The following ARHGEF38 variants were observed in gnomAD, a reference collection of about 807,000 sequenced individuals.
ARHGEF38 encodes Rho guanine nucleotide exchange factor 38.
A neutral mutation model predicts 79.9 loss-of-function variants in ARHGEF38; 79 were observed. That is an observed-to-expected ratio of 0.99 (90% CI 0.82 to 1.19). The LOEUF (loss-of-function observed/expected upper bound fraction) is 1.19. Among genes scored for constraint, ARHGEF38 ranks in the 50% most tolerant of loss-of-function variants. ARHGEF38 has a pLI of 0.00. For synonymous variants in ARHGEF38, 366 were observed against 328.3 expected, an observed-to-expected ratio of 1.11 and a Z score of -1.24; for missense variants, 962 against 907.2, an observed-to-expected ratio of 1.06 and a Z score of -0.78.
chr4:105,590,443 C>A (rs999938382), intron 2 of ARHGEF38, among the ~76,000 whole-genome samples: 2 of 152,220 alleles, frequency 1.3e-5, no homozygotes, highest in Non-Finnish European at 2.9e-5. Flanking sequence ...CATATCCCCT[C>A]AGACATCTAT....
At chr4:105,665,136 T>C (rs575546386) in intron 10 of ARHGEF38, among the ~76,000 whole-genome samples, 2 of 152,126 alleles carry the variant, frequency 1.3e-5, no homozygotes, top group South Asian at 2.1e-4. Context: ...TAGCTGGGAT[T>C]ACAGGCACAC....
chr4:105,591,519 A>G (rs774497391), intron 2 of ARHGEF38, among the ~76,000 whole-genome samples: 4 of 152,154 alleles, frequency 2.6e-5, no homozygotes, highest in South Asian at 2.1e-4. Flanking sequence ...GTGAGCCACC[A>G]TGCCCGGCCT....
intron 3 of ARHGEF38, among the ~76,000 whole-genome samples, chr4:105,628,933 A>G (rs1409649471): frequency 2.0e-5 from 3 of 152,214 alleles, no homozygotes; most frequent in African/African-American, 4.8e-5. Flanking sequence ...TTCTTGAGCA[A>G]CTAGTCAGTG....
intron 1 of ARHGEF38, chr4:105,561,479 A>AGAATGGAATAGAATAGAATAGAATG (rs1560684620): frequency 1.9e-5 from 1 of 53,350 alleles, no homozygotes; most frequent in Non-Finnish European, 4.1e-5. Flanking sequence ...AGAATAGAAT[A>AGAATGGAATAGAATAGAATAGAATG]GAATAGAATA....
Position 105,645,183 on chromosome 4 carries a change from T to C in ARHGEF38, c.675-5T>C. 1 of 1,491,716 alleles carries C rather than the reference T, an allele frequency of 6.7e-7. No individual in the cohort carries two copies. Among genetic ancestry groups the C allele is most frequent in the Non-Finnish European group, 8.9e-7 (1 of 1,125,652 alleles). The allele number at this position is 1,491,716 out of a possible 1,614,324, so 92.4% of individuals were successfully genotyped here. ...TGAAACTGATATTATTTATCTGTAT[T>C]GTAGAGGCAAACCAAACTTATTGGA... On this transcript the variant is annotated splice_polypyrimidine_tract_variant and splice_region_variant and intron_variant, in intron 5 of 13. Transcript: ENST00000420470.
chr4:105,598,228 A>G (rs1388281575), intron 2 of ARHGEF38, among the ~76,000 whole-genome samples: 3 of 152,176 alleles, frequency 2.0e-5, no homozygotes, highest in Non-Finnish European at 4.4e-5. Flanking sequence ...TCCATCTCCT[A>G]TTCGATCCAG....
At chr4:105,640,390 T>C (rs1181249016) in intron 5 of ARHGEF38, among the ~76,000 whole-genome samples, 1 of 152,184 alleles carries the variant, frequency 6.6e-6, no homozygotes, top group Non-Finnish European at 1.5e-5. Flanking sequence ...ATTTACTTAG[T>C]TTTCTTTGTA....
intron 3 of ARHGEF38, among the ~76,000 whole-genome samples, chr4:105,616,444 A>C (rs188806525): frequency 6.6e-6 from 1 of 152,098 alleles, no homozygotes; most frequent in Admixed American, 6.6e-5. Context: ...CCTTCTCCAC[A>C]CTGTGGCAGG....
At chr4:105,607,970 A>T (rs993834669) in intron 2 of ARHGEF38, among the ~76,000 whole-genome samples, 10 of 151,728 alleles carry the variant, frequency 6.6e-5, no homozygotes, top group Non-Finnish European at 1.0e-4. Flanking sequence ...CTTCTATTTA[A>T]AAAAAAATGC....
At chr4:105,668,787 C>T (rs1222110562) in intron 13 of ARHGEF38, among the ~76,000 whole-genome samples, 1 of 152,050 alleles carries the variant, frequency 6.6e-6, no homozygotes, top group Non-Finnish European at 1.5e-5. Flanking sequence ...GTGGCTCATG[C>T]CTGTAATCCC....
At chr4:105,652,133 G>T (rs940696509) in intron 7 of ARHGEF38, among the ~76,000 whole-genome samples, 2 of 152,174 alleles carry the variant, frequency 1.3e-5, no homozygotes, top group African/African-American at 2.4e-5. Flanking sequence ...AAATAGAGGT[G>T]TGGATTCTAT....
At chr4:105,594,097 A>G (rs888483364) in intron 2 of ARHGEF38, among the ~76,000 whole-genome samples, 4 of 152,140 alleles carry the variant, frequency 2.6e-5, no homozygotes, top group African/African-American at 9.7e-5. Flanking sequence ...TCTCTCCACT[A>G]AGGTAATAGC....
At chr4:105,589,216 A>G in intron 1 of ARHGEF38, 32 bp from the exon 2 acceptor site, 1 of 1,559,912 alleles carries the variant, frequency 6.4e-7, no homozygotes, top group Non-Finnish European at 8.7e-7. Flanking sequence ...CCTCAGCAGA[A>G]TGCCTCACCT....
intron 7 of ARHGEF38, among the ~76,000 whole-genome samples, chr4:105,650,882 AC>A (rs1304189103): frequency 2.6e-5 from 4 of 152,204 alleles, no homozygotes; most frequent in African/African-American, 9.7e-5. Context: ...TATGGGATAT[AC>A]TCACATATCT....
chr4:105,552,906 T>A lies in ARHGEF38; in HGVS notation c.141T>A (p.Ser47=), dbSNP rs748432652. Residue 47 remains serine (S), a synonymous_variant, in exon 1 of 14, where the codon TCT becomes TCA. Transcript: ENST00000420470. ...VVESSVSGDH[S]GTLRRSQSDR... ...AGAGCAGTGTTTCTGGGGACCACTC[T>A]GGCACCTTGAGGAGGAGCCAATCTG... 5.0e-6 allele frequency: 8 copies of A among 1,613,884 alleles called. No individual in the cohort carries two copies. In the South Asian group the frequency reaches 8.8e-5, roughly 18 times the overall value.
At position 105,659,086 on chromosome 4, in the gene ARHGEF38, C is replaced by T. The variant is rs752978902; in HGVS notation, c.1266C>T (p.Pro422=). The change falls in exon 10 of 14, where the codon CCC becomes CCT. Residue 422 remains proline (P), a synonymous_variant. Coordinates refer to ENST00000420470, the MANE Select transcript of ARHGEF38 (RefSeq NM_001242729.2). ...ACTTACAGAGACTCATCCTGACCCCCTTGTCAGCCCTGCTGTCCTTATTCC... is the reference window on the plus strand; with the variant it reads ...ACTTACAGAGACTCATCCTGACCCCTTTGTCAGCCCTGCTGTCCTTATTCC... ...ASHLQRLILT[P]LSALLSLFPG... 3.9e-6 allele frequency: 6 copies of T among 1,536,076 alleles called. No homozygotes were observed. Among genetic ancestry groups the T allele is most frequent in the South Asian group, 3.6e-5 (3 of 84,044 alleles).
rs1406654248 is a variant in ARHGEF38 at position 105,666,278 on chromosome 4, G to C, written c.1647G>C (p.Glu549Asp). ...CVKENSATFIERKLSFEKKKP... is the reference protein window; with the variant it reads ...CVKENSATFIDRKLSFEKKKP... ...AAGAAAACAGTGCCACCTTTATTGA[G>C]AGGAAACTCAGTTTTGAAAAGAAGA... Residue 549 changes from glutamate to aspartate, a missense_variant, in exon 11 of 14, where the codon GAG becomes GAC. Physicochemically the swap from Glu to Asp is conservative, Grantham distance 45. Transcript: ENST00000420470. 1.3e-6 allele frequency: 2 copies of C among 1,534,082 alleles called. No individual in the cohort carries two copies. Among genetic ancestry groups the C allele is most frequent in the Non-Finnish European group, 1.7e-6 (2 of 1,145,960 alleles).
In ARHGEF38 at chr4:105,680,134, C is replaced by A; in HGVS notation, c.*2197C>A. 1 of 694,464 alleles carries A rather than the reference C, an allele frequency of 1.4e-6. No homozygotes were observed. Among genetic ancestry groups the A allele is most frequent in the South Asian group, 1.4e-5 (1 of 70,230 alleles). 43.0% of individuals were successfully genotyped at this position (694,464 alleles called of 1,614,324 possible). On this transcript the variant is annotated 3_prime_UTR_variant, in exon 14 of 14. Coordinates refer to ENST00000420470, the MANE Select transcript of ARHGEF38 (RefSeq NM_001242729.2). ...GTTTTATAAAGGAGGAAATTGAGGA[C>A]CTCACATGGAGGGACTGGAATTTAA...
At chr4:105,558,071 T>C (rs1356039211) in intron 1 of ARHGEF38, among the ~76,000 whole-genome samples, 1 of 152,138 alleles carries the variant, frequency 6.6e-6, no homozygotes, top group Non-Finnish European at 1.5e-5. Flanking sequence ...TCATTCTAAT[T>C]AAGAAAGGTT....
Sources: allele counts gnomAD v4.1 joint callset (sites outside exome capture counted in the v4.1 genomes callset), GRCh38; gene constraint gnomAD v4.1.1; transcripts MANE v1.5; gene names NCBI Gene and HGNC (gene_info 2026-07-23, HGNC 2026-07-21).